MPP2: variants seen among roughly 807,000 people sequenced by gnomAD.
MPP2 encodes MAGUK p55 subfamily member 2.
A neutral mutation model predicts 58.5 loss-of-function variants in MPP2; 42 were observed. The observed-to-expected ratio is 0.72, with a 90% CI of 0.56 to 0.93. MPP2 has a LOEUF of 0.93. MPP2 is among the 40% of genes least tolerant of loss of function. The pLI, the probability that MPP2 is intolerant of heterozygous loss-of-function variation, is 0.00. For synonymous variants in MPP2, 300 were observed against 307.8 expected (o/e 0.97, Z 0.26); for missense variants, 632 against 760.4 (o/e 0.83, Z 1.99).
intron 2 of MPP2, among the ~76,000 whole-genome samples, chr17:43,901,019 C>G (rs1216649077): frequency 6.6e-6 from 1 of 152,116 alleles, no homozygotes; most frequent in Non-Finnish European, 1.5e-5. Context: ...CTAATACACC[C>G]CATGCCACCT....
intron 3 of MPP2, among the ~76,000 whole-genome samples, chr17:43,894,440 TATATACACACAC>T (rs1206666632): frequency 3.4e-4 from 8 of 23,444 alleles, no homozygotes; most frequent in East Asian, 0.01. Context: ...TATATATATA[TATATACACACAC>T]ACACACACAC....
chr17:43,881,227 TA>T lies in MPP2; in HGVS notation c.919+16del. ...TGGATCCCAGATTGGAGGTGTGGGG[TA>T]GGGGGGACCTCCTACCTGAGTTTGG... On this transcript the variant is annotated intron_variant, in intron 8 of 12. Coordinates refer to ENST00000269095, the MANE Select transcript of MPP2 (RefSeq NM_005374.5). 1.2e-6 allele frequency: 2 copies of T among 1,613,110 alleles called. No individual in the cohort carries two copies. The highest frequency in any genetic ancestry group is 1.7e-6 in the Non-Finnish European group (2 of 1,179,530).
At chr17:43,900,724 C>T (rs1473035683) in intron 2 of MPP2, 2 of 1,223,986 alleles carry the variant, frequency 1.6e-6, no homozygotes, top group South Asian at 1.8e-5. Flanking sequence ...GGCTAAAGCC[C>T]TGACTGGCGC....
In MPP2 at chr17:43,879,514, A is replaced by G. The variant is rs559568652; in HGVS notation, c.1354-111T>C. On this transcript the variant is annotated intron_variant, in intron 11 of 12. Coordinates refer to ENST00000269095, the MANE Select transcript of MPP2 (RefSeq NM_005374.5). The surrounding 1 kb of genome is among the most constrained non-coding windows in gnomAD (Gnocchi z 4.1). ...GGGTGAGCACTTGGGAGTGGATGAG[A>G]AAAGGGTGCCCGGGGGTCTGGGACA... The G allele has an allele frequency of 4.8e-5, 66 of 1,385,584 alleles. No individual in the cohort carries two copies. In the South Asian group the frequency reaches 7.4e-4, roughly 16 times the overall value. 85.8% of individuals were successfully genotyped at this position (1,385,584 alleles called of 1,614,324 possible). A position where few individuals can be genotyped will look rare whatever the true frequency, so the allele number is the denominator to read the frequency against.
intron 3 of MPP2, among the ~76,000 whole-genome samples, chr17:43,897,214 G>A (rs1007651050): frequency 6.6e-6 from 1 of 152,182 alleles, no homozygotes; most frequent in Admixed American, 6.5e-5. Flanking sequence ...AGGCACAGTG[G>A]CTCATGCCTG....
rs2047062173 is a variant in MPP2 at position 43,880,549 on chromosome 17, G to A, written c.1150+142C>T. 9 of 906,484 alleles carry A rather than the reference G, an allele frequency of 9.9e-6. No individual in the cohort carries two copies. The highest frequency in any genetic ancestry group is 2.9e-5 in the East Asian group (1 of 35,046). 56.2% of individuals were successfully genotyped at this position (906,484 alleles called of 1,614,324 possible). ...CCTGAAGTTCCCCTAACCACCCACA[G>A]AGGGCGTGCACCCCAACCCGTGTAC... is the stretch of plus-strand genomic sequence containing the variant. On this transcript the variant is annotated intron_variant, in intron 10 of 12. Transcript: ENST00000269095. The surrounding 1 kb of genome is among the most constrained non-coding windows in gnomAD (Gnocchi z 5.2).
At chr17:43,878,814 C>G (rs992708408) in intron 12 of MPP2, among the ~76,000 whole-genome samples, 1 of 152,194 alleles carries the variant, frequency 6.6e-6, no homozygotes, top group Non-Finnish European at 1.5e-5. Flanking sequence ...TGCAATGAGG[C>G]CTTGAAGCCT....
intron 2 of MPP2, chr17:43,901,288 C>T (rs1376375374): frequency 6.1e-6 from 6 of 985,372 alleles, no homozygotes; most frequent in African/African-American, 3.5e-5. Context: ...GCTTACCCCT[C>T]GCCTCACAGC....
intron 3 of MPP2, among the ~76,000 whole-genome samples, chr17:43,885,067 A>G (rs1033498253): frequency 6.6e-6 from 1 of 150,680 alleles, no homozygotes; most frequent in African/African-American, 2.4e-5. Context: ...GGTTGCAATG[A>G]GCCGAGATCA....
rs2046831626 is a variant in MPP2, at chr17:43,876,430, C to T, written c.*1377G>A. On this transcript the variant is annotated 3_prime_UTR_variant, in exon 13 of 13. Coordinates refer to ENST00000269095, the MANE Select transcript of MPP2 (RefSeq NM_005374.5). Reference sequence around the variant, plus strand: ...TTCTTAAAGGGAGTCTCCTATTTTACAAAACTGCCCTCCCCAAGTTATGGC... The same window carrying T: ...TTCTTAAAGGGAGTCTCCTATTTTATAAAACTGCCCTCCCCAAGTTATGGC... 1 of 152,210 alleles carries T rather than the reference C, an allele frequency of 6.6e-6. No individual in the cohort carries two copies. The highest frequency in any genetic ancestry group is 1.5e-5 in the Non-Finnish European group (1 of 68,060). The allele number at this position is 152,210 out of a possible 1,614,324, so 9.4% of individuals were successfully genotyped here. A position where few individuals can be genotyped will look rare whatever the true frequency, so the allele number is the denominator to read the frequency against.
intron 6 of MPP2, 150 bp downstream of exon 6, chr17:43,882,134 G>T (rs976631107): frequency 9.9e-6 from 7 of 709,646 alleles, no homozygotes; most frequent in Non-Finnish European, 1.6e-5. Context: ...GCCTGTCGGC[G>T]GCTGCGGTCA....
In MPP2 at chr17:43,880,014, T is replaced by C. The variant is rs769083885; in HGVS notation, c.1151-30A>G. The C allele has an allele frequency of 9.3e-6, 15 of 1,610,594 alleles. No homozygotes were observed. The highest frequency in any genetic ancestry group is 1.7e-4 in the Middle Eastern group (1 of 6,048). Reference sequence around the variant, plus strand: ...GGGGATGGGGGTAGGTTGGACCAAATGGGCAGGGGCAGGTTACAGTGCCTC... The same window carrying C: ...GGGGATGGGGGTAGGTTGGACCAAACGGGCAGGGGCAGGTTACAGTGCCTC... On this transcript the variant is annotated intron_variant, in intron 10 of 12. Coordinates refer to ENST00000269095, the MANE Select transcript of MPP2 (RefSeq NM_005374.5). The surrounding 1 kb of genome is among the most constrained non-coding windows in gnomAD (Gnocchi z 5.2).
chr17:43,908,690 C>G (rs1225979792), upstream of MPP2, among the ~76,000 whole-genome samples: 2 of 152,204 alleles, frequency 1.3e-5, no homozygotes, highest in African/African-American at 2.4e-5. Context: ...GCCTGGGCAA[C>G]AGAGTGAGAC....
At chr17:43,878,274 C>T (rs1323531320) in intron 12 of MPP2, among the ~76,000 whole-genome samples, 1 of 152,214 alleles carries the variant, frequency 6.6e-6, no homozygotes, top group East Asian at 1.9e-4. Flanking sequence ...TTAATTCTTT[C>T]CCATTTATAG....
chr17:43,905,320 G>A (rs1311925396), intron 1 of MPP2: 1 of 152,234 alleles, frequency 6.6e-6, no homozygotes. Flanking sequence ...GCCTACCAAA[G>A]CGCCGATGTT....
chr17:43,892,479 T>A (rs1352834091), intron 3 of MPP2, among the ~76,000 whole-genome samples: 1 of 152,102 alleles, frequency 6.6e-6, no homozygotes, highest in Non-Finnish European at 1.5e-5. Context: ...CTGTCTTTGA[T>A]GAGAGGAGTG....
chr17:43,883,499 T>G, intron 3 of MPP2, 144 bp from the exon 4 acceptor site: 1 of 787,882 alleles, frequency 1.3e-6, no homozygotes, highest in Non-Finnish European at 1.9e-6. Context: ...CTGACAATCA[T>G]ACCCACACGT....
In MPP2 at chr17:43,879,588, G is replaced by A. The variant is rs1462488905; in HGVS notation, c.1354-185C>T. ...CAGCTGGCAGGTGGCTGGGGTGACT[G>A]GAGGAGACTAGAGGAGGAGTGGGGA... On this transcript the variant is annotated intron_variant, in intron 11 of 12. Coordinates refer to ENST00000269095, the MANE Select transcript of MPP2 (RefSeq NM_005374.5). The surrounding 1 kb of genome is among the most constrained non-coding windows in gnomAD (Gnocchi z 4.1). Among the ~76,000 whole-genome samples, 1 of 152,146 alleles carries A rather than the reference G, an allele frequency of 6.6e-6. No homozygotes were observed. The highest frequency in any genetic ancestry group is 1.5e-5 in the Non-Finnish European group (1 of 68,030).
rs766518786 is a variant in MPP2, at chr17:43,881,244, C to A, written c.919G>T (p.Gly307Trp). 1.2e-6 allele frequency: 2 copies of A among 1,613,980 alleles called. No homozygotes were observed. The highest frequency in any genetic ancestry group is 2.2e-5 in the East Asian group (1 of 44,862). Reference sequence around the variant, plus strand: ...GTGTGGGGTAGGGGGGACCTCCTACCTGAGTTTGGTGTCAGCTCCAGGTCC... The same window carrying A: ...GTGTGGGGTAGGGGGGACCTCCTACATGAGTTTGGTGTCAGCTCCAGGTCC... ...KRDLELTPNS[G>W]TLCGSLSGKK... The change falls in exon 8 of 13, where the codon GGG (glycine) becomes TGG (tryptophan). Residue 307 changes from glycine (G) to tryptophan (W), a missense_variant and splice_region_variant. Coordinates refer to ENST00000269095, the MANE Select transcript of MPP2 (RefSeq NM_005374.5).
Sources: gnomAD v4.1 joint callset for allele counts (sites outside exome capture counted in the v4.1 genomes callset) on GRCh38, gnomAD v4.1.1 for gene constraint, Gnocchi (gnomAD v3.1) non-coding constraint, MANE v1.5 for transcripts, NCBI Gene and HGNC (gene_info 2026-07-23, HGNC 2026-07-21) for gene names.